Variants in KIAA1549 observed in about 807,000 individuals in gnomAD.
KIAA1549 encodes the protein UPF0606 protein KIAA1549.
Under a neutral mutation model 156.4 loss-of-function variants are expected in KIAA1549, and 70 were observed. The ratio of observed to expected loss-of-function variants is 0.45; its 90% confidence interval spans 0.37 to 0.55. The LOEUF (loss-of-function observed/expected upper bound fraction) is 0.55. Among genes scored for constraint, KIAA1549 ranks in the 20% least tolerant of loss-of-function variants. KIAA1549 has a pLI of 0.00. For synonymous variants in KIAA1549, 1,103 were observed against 1,066.4 expected, an observed-to-expected ratio of 1.03 and a Z score of -0.67; for missense variants, 2,428 against 2,540.9, an observed-to-expected ratio of 0.96 and a Z score of 0.96.
In KIAA1549 at chr7:138,964,628, T is replaced by C. The variant is rs147986631; in HGVS notation, c.187+16455A>G. ...AGAAAGAAGTGCAAAGAGAACCTTA[T>C]TCAAAGGCCCAAATGCCAATGAACA... is the stretch of plus-strand genomic sequence containing the variant. On this transcript the variant is annotated intron_variant, in intron 1 of 19. Transcript: ENST00000422774. Among the ~76,000 whole-genome samples, 16 of 152,294 alleles carry C rather than the reference T, an allele frequency of 1.1e-4. No individual in the cohort carries two copies. In the East Asian group the frequency reaches 2.7e-3, roughly 26 times the overall value.
chr7:138,868,577 G>C (rs1810823503), intron 14 of KIAA1549, among the ~76,000 whole-genome samples: 1 of 152,148 alleles, frequency 6.6e-6, no homozygotes, highest in Non-Finnish European at 1.5e-5. Context: ...ACAGGCGCCT[G>C]CCACCACGCC....
At position 138,835,297 on chromosome 7, in the gene KIAA1549, C is replaced by G. The variant is rs1047576213; in HGVS notation, c.*2609G>C. On this transcript the variant is annotated 3_prime_UTR_variant, in exon 20 of 20. Transcript: ENST00000422774. Reference sequence around the variant, plus strand: ...CAAACTGTGTGTGCTTTATGACCACCAGCAGAGGGCTGGTGATCCGGGGGC... The same window carrying G: ...CAAACTGTGTGTGCTTTATGACCACGAGCAGAGGGCTGGTGATCCGGGGGC... 1 of 215,428 alleles carries G rather than the reference C, an allele frequency of 4.6e-6. No homozygotes were observed. Among genetic ancestry groups the G allele is most frequent in the Non-Finnish European group, 9.4e-6 (1 of 106,848 alleles). The allele number at this position is 215,428 out of a possible 1,614,324, so 13.3% of individuals were successfully genotyped here.
chr7:138,944,569 A>G (rs1261228510), intron 1 of KIAA1549, among the ~76,000 whole-genome samples: 1 of 152,190 alleles, frequency 6.6e-6, no homozygotes, highest in East Asian at 1.9e-4. Flanking sequence ...AAACACTGGA[A>G]GCAGGCGTTC....
intron 1 of KIAA1549, among the ~76,000 whole-genome samples, chr7:138,932,022 A>G (rs1484692213): frequency 6.6e-6 from 1 of 152,144 alleles, no homozygotes; most frequent in Non-Finnish European, 1.5e-5. Context: ...AAGGCAGACA[A>G]GAGTGTCCCA....
chr7:138,924,495 C>A (rs1260565529), intron 1 of KIAA1549, among the ~76,000 whole-genome samples: 1 of 152,034 alleles, frequency 6.6e-6, no homozygotes, highest in Non-Finnish European at 1.5e-5. Context: ...AATTTATGAA[C>A]CTGGGTATCT....
intron 1 of KIAA1549, among the ~76,000 whole-genome samples, chr7:138,960,454 A>AC (rs1431351908): frequency 6.7e-6 from 1 of 149,524 alleles, no homozygotes; most frequent in Non-Finnish European, 1.5e-5. Flanking sequence ...GATTACAGGC[A>AC]CCCGCCACTA....
intron 15 of KIAA1549, among the ~76,000 whole-genome samples, chr7:138,865,649 C>CA (rs915747036): frequency 1.3e-5 from 2 of 152,064 alleles, no homozygotes; most frequent in Non-Finnish European, 2.9e-5. Context: ...TGGTGTCTTC[C>CA]AGGAAGAGGC....
At chr7:138,913,170 A>G (rs1812217953) in intron 2 of KIAA1549, among the ~76,000 whole-genome samples, 1 of 152,184 alleles carries the variant, frequency 6.6e-6, no homozygotes, top group South Asian at 2.1e-4. Flanking sequence ...CACCGCACCC[A>G]GCCAGAAGTA....
At chr7:138,846,263 G>A (rs1039270939) in intron 17 of KIAA1549, among the ~76,000 whole-genome samples, 15 of 152,230 alleles carry the variant, frequency 9.9e-5, no homozygotes, top group East Asian at 1.9e-4. Flanking sequence ...GGCCGGGTGC[G>A]GTGGCTCATG....
intron 7 of KIAA1549, 46 bp from the exon 8 acceptor site, chr7:138,903,782 G>T: frequency 4.4e-6 from 6 of 1,376,522 alleles, no homozygotes; most frequent in East Asian, 3.4e-5. Context: ...CAAGTCAGCA[G>T]TAAAAAAACA....
intron 17 of KIAA1549, among the ~76,000 whole-genome samples, chr7:138,845,176 T>G (rs1563046582): frequency 6.6e-6 from 1 of 152,104 alleles, no homozygotes; most frequent in Non-Finnish European, 1.5e-5. Context: ...TTTTAAAAAT[T>G]TATTTACAAA....
intron 17 of KIAA1549, among the ~76,000 whole-genome samples, chr7:138,847,596 G>A (rs182725665): frequency 2.0e-5 from 3 of 152,252 alleles, no homozygotes; most frequent in East Asian, 3.9e-4. Context: ...ATAGCTTGTC[G>A]ACTGGTCTAT....
At position 138,869,677 on chromosome 7, in the gene KIAA1549, C is replaced by T. The variant is rs777698134; in HGVS notation, c.4636G>A (p.Glu1546Lys). The change falls in exon 14 of 20, where the codon GAG becomes AAG. Residue 1546 changes from glutamate to lysine, a missense_variant. Physicochemically the swap from Glu to Lys is moderately conservative, Grantham distance 56. This residue lies in a region of KIAA1549 where 404 missense variants were observed against 417.0 expected (regional missense o/e 0.97). Coordinates refer to ENST00000422774, the MANE Select transcript of KIAA1549 (RefSeq NM_001164665.2). The part of the protein sequence containing the change: ...RLRAKRRGHY[E>K]FPVVDDLSSG... Reference sequence around the variant, plus strand: ...GACAGGTCGTCTACCACCGGGAACTCGTAGTGCCCGCGGCGCTTGGCGCGC... The same window carrying T: ...GACAGGTCGTCTACCACCGGGAACTTGTAGTGCCCGCGGCGCTTGGCGCGC... 5.0e-6 allele frequency: 8 copies of T among 1,612,288 alleles called. No homozygotes were observed. Among genetic ancestry groups the T allele is most frequent in the South Asian group, 3.3e-5 (3 of 90,984 alleles).
rs755899169 is a variant in KIAA1549 at position 138,903,732 on chromosome 7, G to A, written c.3525C>T (p.Leu1175=). Residue 1175 remains leucine, a synonymous_variant, in exon 8 of 20, where the codon CTC becomes CTT. Coordinates refer to ENST00000422774, the MANE Select transcript of KIAA1549 (RefSeq NM_001164665.2). ...GGAGTTGCTTCTCCATGACGCCCAGGAGAACTACATTTAAATGAAAACATA... is the reference window on the plus strand; with the variant it reads ...GGAGTTGCTTCTCCATGACGCCCAGAAGAACTACATTTAAATGAAAACATA... ...LLKSSWVRTV[L]LGVMEKQLQN... is the part of the protein sequence containing the mutation. The A allele has an allele frequency of 7.5e-6, 12 of 1,590,764 alleles. No homozygotes were observed. Among genetic ancestry groups the A allele is most frequent in the East Asian group, 4.6e-5 (2 of 43,936 alleles).
intron 17 of KIAA1549, among the ~76,000 whole-genome samples, chr7:138,846,597 T>C (rs1810083139): frequency 1.3e-5 from 2 of 150,814 alleles, no homozygotes; most frequent in African/African-American, 4.9e-5. Context: ...GCTTTTGCAC[T>C]TCTGTACAAA....
At chr7:138,876,468 C>A (rs1811088423) in intron 12 of KIAA1549, 1 of 152,214 alleles carries the variant, frequency 6.6e-6, no homozygotes, top group South Asian at 2.1e-4. Context: ...GCGAGCACTG[C>A]AAGCTCCTTA....
At position 138,866,362 on chromosome 7, in the gene KIAA1549, T is replaced by C. The variant is rs1810739851; in HGVS notation, c.4929+1613A>G. Reference sequence around the variant, plus strand: ...TGTAATTATATTTAGCCTATTTAAGTGCTTGTTATTTATATAATTTAGGAG... The same window carrying C: ...TGTAATTATATTTAGCCTATTTAAGCGCTTGTTATTTATATAATTTAGGAG... On this transcript the variant is annotated intron_variant, in intron 15 of 19. Coordinates refer to ENST00000422774, the MANE Select transcript of KIAA1549 (RefSeq NM_001164665.2). 3.3e-5 allele frequency among the ~76,000 whole-genome samples: 5 copies of C among 152,230 alleles called. 1 individual carries two copies. In the South Asian group the frequency reaches 1.0e-3, roughly 32 times the overall value.
At chr7:138,877,952 T>A (rs976462424) in intron 12 of KIAA1549, among the ~76,000 whole-genome samples, 1 of 152,194 alleles carries the variant, frequency 6.6e-6, no homozygotes, top group Non-Finnish European at 1.5e-5. Context: ...TTTTCTCAGA[T>A]AAGCAATGAA....
rs140225722 is a variant in KIAA1549 at position 138,954,139 on chromosome 7, CAAAT to C, written c.187+26940_187+26943del. Reference sequence around the variant, plus strand: ...AATAAAAATTGGCTTCTAACAACAGCAAATAAATATACGATGGTAGACAGAAATT... The same window carrying C: ...AATAAAAATTGGCTTCTAACAACAGCAAATATACGATGGTAGACAGAAATT... On this transcript the variant is annotated intron_variant, in intron 1 of 19. Transcript: ENST00000422774. Among the ~76,000 whole-genome samples the C allele has an allele frequency of 7.4e-3, 1,133 of 152,234 alleles. 15 individuals are homozygous for C. The highest frequency in any genetic ancestry group is 0.026 in the African/African-American group (1,091 of 41,528).
Sources: allele counts gnomAD v4.1 joint callset (sites outside exome capture counted in the v4.1 genomes callset), GRCh38; gene constraint gnomAD v4.1.1; regional missense constraint gnomAD v4.1.1; transcripts MANE v1.5; gene names NCBI Gene and HGNC (gene_info 2026-07-23, HGNC 2026-07-21).